ZFYVE28: variants seen among roughly 807,000 people sequenced by gnomAD.
ZFYVE28 encodes zinc finger FYVE-type containing 28, also known as lateral signaling target protein 2 homolog.
Under a neutral mutation model 82.1 loss-of-function variants are expected in ZFYVE28, and 40 were observed. That is an observed-to-expected ratio of 0.49 (90% CI 0.38 to 0.63). The LOEUF (loss-of-function observed/expected upper bound fraction) is 0.63, where lower values mean the gene tolerates loss of function less well. Ranked by LOEUF, ZFYVE28 falls within the 30% of genes least tolerant of loss-of-function variation. The pLI is 0.00. For missense variants in ZFYVE28, 1,321 were observed against 1,242.1 expected, an observed-to-expected ratio of 1.06 and a Z score of -0.96; for synonymous variants, 612 against 546.1, an observed-to-expected ratio of 1.12 and a Z score of -1.68.
At chr4:2,344,372 C>G (rs1723216533) in intron 2 of ZFYVE28, among the ~76,000 whole-genome samples, 1 of 152,192 alleles carries the variant, frequency 6.6e-6, no homozygotes, top group Non-Finnish European at 1.5e-5. Flanking sequence ...ACTCACAATT[C>G]ACAAAGTATT....
Position 2,341,380 on chromosome 4 carries a change from G to T in ZFYVE28, c.318+98C>A. ...ACGGAGCTCTTGGAGGAGACACCAG[G>T]TCCCGGCACCTGCAGGCGCCCATGC... On this transcript the variant is annotated intron_variant, in intron 3 of 12. Coordinates refer to ENST00000290974, the MANE Select transcript of ZFYVE28 (RefSeq NM_020972.3). This position sits in a 1 kb window ranked among gnomAD's most constrained non-coding sequence, Gnocchi z 4.5. The T allele has an allele frequency of 6.6e-7, 1 of 1,510,114 alleles. No individual in the cohort carries two copies. The highest frequency in any genetic ancestry group is 9.0e-7 in the Non-Finnish European group (1 of 1,114,426). 93.5% of individuals were successfully genotyped at this position (1,510,114 alleles called of 1,614,324 possible).
intron 2 of ZFYVE28, among the ~76,000 whole-genome samples, chr4:2,351,678 C>T (rs1490398346): frequency 6.6e-6 from 1 of 152,180 alleles, no homozygotes; most frequent in East Asian, 1.9e-4. Context: ...CGTATGACTG[C>T]ACTCCAGCCT....
chr4:2,416,945 G>T lies in ZFYVE28; in HGVS notation c.39+1340C>A, dbSNP rs904150417. ...AAGCACGCGCCCTTCGGGGCCCTGA[G>T]TGAGCCCTCAAACCTCCGTGCCGAT... On this transcript the variant is annotated intron_variant, in intron 1 of 12. Coordinates refer to ENST00000290974, the MANE Select transcript of ZFYVE28 (RefSeq NM_020972.3). The surrounding 1 kb of genome is among the most constrained non-coding windows in gnomAD (Gnocchi z 4.6). Among the ~76,000 whole-genome samples the T allele has an allele frequency of 1.3e-5, 2 of 152,232 alleles. No individual in the cohort carries two copies. Among genetic ancestry groups the T allele is most frequent in the African/African-American group, 2.4e-5 (1 of 41,466 alleles).
At position 2,343,022 on chromosome 4, in the gene ZFYVE28, T is replaced by C. The variant is rs573480115; in HGVS notation, c.181-1407A>G. 4 of 152,332 alleles carry C rather than the reference T, an allele frequency of 2.6e-5. No homozygotes were observed. In the East Asian group the frequency reaches 7.7e-4, roughly 29 times the overall value. 9.4% of individuals were successfully genotyped at this position (152,332 alleles called of 1,614,324 possible). ...AACATGTTATTACATCTGTCACATA[T>C]ACAATTTTTGATGGATAGTGACATG... On this transcript the variant is annotated intron_variant, in intron 2 of 12. Transcript: ENST00000290974.
intron 1 of ZFYVE28, among the ~76,000 whole-genome samples, chr4:2,403,280 T>C (rs10016059): frequency 0.31 from 47,019 of 152,114 alleles, 7,924 homozygotes; most frequent in East Asian, 0.46. Context: ...GGATCTGAGA[T>C]GGGCAAAGGA....
chr4:2,346,814 TAA>T (rs1184573208), intron 2 of ZFYVE28, among the ~76,000 whole-genome samples: 1 of 150,260 alleles, frequency 6.7e-6, no homozygotes, highest in Non-Finnish European at 1.5e-5. Flanking sequence ...ACATAAAAAT[TAA>T]GAGAGGAAAT....
At chr4:2,301,727 C>G (rs17819511) in intron 8 of ZFYVE28, among the ~76,000 whole-genome samples, 18,771 of 151,998 alleles carry the variant, frequency 0.12, 1,249 homozygotes, top group Non-Finnish European at 0.15. Flanking sequence ...CTTATCCTGT[C>G]AAAGAATTTC....
intron 8 of ZFYVE28, among the ~76,000 whole-genome samples, chr4:2,289,634 C>G (rs1713297367): frequency 6.6e-6 from 1 of 152,176 alleles, no homozygotes; most frequent in African/African-American, 2.4e-5. Context: ...GCCTCGGGTC[C>G]CAAAGCAATG....
chr4:2,274,341 G>A, intron 8 of ZFYVE28, 125 bp from the exon 9 acceptor site: 2 of 1,254,204 alleles, frequency 1.6e-6, no homozygotes, highest in Non-Finnish European at 2.1e-6. Flanking sequence ...GCGTGTATCT[G>A]TTGCCCAGAT....
In ZFYVE28 at chr4:2,394,568, C is replaced by T. The variant is rs1192694486; in HGVS notation, c.39+23717G>A. On this transcript the variant is annotated intron_variant, in intron 1 of 12. Transcript: ENST00000290974. The surrounding 1 kb of genome is among the most constrained non-coding windows in gnomAD (Gnocchi z 4.0). ...GGTCATGAACCACAAGTTATGATGGCTCCAGCTGTGTGCACATAAGGTCCT... is the reference window on the plus strand; with the variant it reads ...GGTCATGAACCACAAGTTATGATGGTTCCAGCTGTGTGCACATAAGGTCCT... Among the ~76,000 whole-genome samples the T allele has an allele frequency of 6.6e-6, 1 of 152,222 alleles. No individual in the cohort carries two copies. The highest frequency in any genetic ancestry group is 3.2e-3 in the Middle Eastern group (1 of 316).
intron 1 of ZFYVE28, among the ~76,000 whole-genome samples, chr4:2,400,324 A>G (rs1183421153): frequency 6.6e-6 from 1 of 152,222 alleles, no homozygotes; most frequent in African/African-American, 2.4e-5. Context: ...TGACACGCAC[A>G]CACATTTCAT....
chr4:2,416,775 G>A lies in ZFYVE28; in HGVS notation c.39+1510C>T, dbSNP rs1448883632. Reference sequence around the variant, plus strand: ...GCTAGGGACAGGGAGGTTGGGAGCAGGGAGTGACGCCACAGGAACCCTGAA... The same window carrying A: ...GCTAGGGACAGGGAGGTTGGGAGCAAGGAGTGACGCCACAGGAACCCTGAA... On this transcript the variant is annotated intron_variant, in intron 1 of 12. Coordinates refer to ENST00000290974, the MANE Select transcript of ZFYVE28 (RefSeq NM_020972.3). This position sits in a 1 kb window ranked among gnomAD's most constrained non-coding sequence, Gnocchi z 4.6. Among the ~76,000 whole-genome samples, 1 of 150,888 alleles carries A rather than the reference G, an allele frequency of 6.6e-6. No individual in the cohort carries two copies. The highest frequency in any genetic ancestry group is 6.6e-5 in the Admixed American group (1 of 15,178).
At chr4:2,271,503 C>G (rs1479652764) in intron 11 of ZFYVE28, 89 bp from the exon 12 acceptor site, 15 of 1,489,634 alleles carry the variant, frequency 1.0e-5, no homozygotes, top group Non-Finnish European at 7.4e-6. Context: ...CCCTCCTTTC[C>G]AGACTGCCAA....
chr4:2,278,755 A>G (rs1377621245), intron 8 of ZFYVE28, among the ~76,000 whole-genome samples: 1 of 110,736 alleles, frequency 9.0e-6, no homozygotes, highest in African/African-American at 7.7e-5. Context: ...AAAAAGACCA[A>G]AAAAAAAAAC....
rs750435536 is a variant in ZFYVE28, at chr4:2,339,581, C to A, written c.393G>T (p.Leu131=). 1 of 1,612,526 alleles carries A rather than the reference C, an allele frequency of 6.2e-7. No homozygotes were observed. The highest frequency in any genetic ancestry group is 1.3e-5 in the African/African-American group (1 of 74,916). ...CCCGCACGTCCTCCAGGCTGCGCGT[C>A]AGCTCCTTGGCCAGCGGGCGCATGG... ...SMAMRPLAKE[L]TRSLEDVRGA... is the part of the protein sequence containing the mutation. Residue 131 remains leucine, a synonymous_variant, in exon 4 of 13, where the codon CTG becomes CTT. Transcript: ENST00000290974. This position sits in a 1 kb window ranked among gnomAD's most constrained non-coding sequence, Gnocchi z 5.0.
At chr4:2,279,608 T>C (rs1280302834) in intron 8 of ZFYVE28, among the ~76,000 whole-genome samples, 3 of 151,700 alleles carry the variant, frequency 2.0e-5, no homozygotes, top group Non-Finnish European at 2.9e-5. Context: ...TGAAACCCTG[T>C]CTCTACTAAA....
chr4:2,343,752 C>A (rs28734924), intron 2 of ZFYVE28, among the ~76,000 whole-genome samples: 24,727 of 151,950 alleles, frequency 0.16, 2,368 homozygotes, highest in African/African-American at 0.24. Context: ...GCTTTTAGTG[C>A]TCAGCCCAGG....
intron 1 of ZFYVE28, among the ~76,000 whole-genome samples, chr4:2,377,979 C>T (rs1253211448): frequency 2.0e-5 from 3 of 152,252 alleles, no homozygotes; most frequent in African/African-American, 4.8e-5. Flanking sequence ...GAACAGTATA[C>T]TGTAGACAAC....
In ZFYVE28 at chr4:2,337,877, T is replaced by TACACACACACACACACACAC. The variant is rs57325124; in HGVS notation, c.522-382_522-381insGTGTGTGTGTGTGTGTGTGT. Among the ~76,000 whole-genome samples, 493 of 151,084 alleles carry TACACACACACACACACACAC rather than the reference T, an allele frequency of 3.3e-3. 3 individuals are homozygous for TACACACACACACACACACAC. Among genetic ancestry groups the TACACACACACACACACACAC allele is most frequent in the African/African-American group, 0.011 (461 of 40,936 alleles). ...CAAAGCAAGACCTTTTCTCTTAAAA[T>TACACACACACACACACACAC]ACACACACACACCCTACACCACCAT... On this transcript the variant is annotated intron_variant, in intron 4 of 12. Coordinates refer to ENST00000290974, the MANE Select transcript of ZFYVE28 (RefSeq NM_020972.3).
Sources: gnomAD v4.1 joint callset for allele counts (sites outside exome capture counted in the v4.1 genomes callset) on GRCh38, gnomAD v4.1.1 for gene constraint, Gnocchi (gnomAD v3.1) non-coding constraint, MANE v1.5 for transcripts, NCBI Gene and HGNC (gene_info 2026-07-23, HGNC 2026-07-21) for gene names.